Variants in GRIK2 observed in about 807,000 individuals in gnomAD.
GRIK2 encodes glutamate ionotropic receptor kainate type subunit 2, also known as glutamate receptor ionotropic, kainate 2.
In GRIK2, 32 loss-of-function variants were observed where a neutral mutation model predicts 100.3. The observed-to-expected ratio is 0.32, with a 90% CI of 0.24 to 0.43. The LOEUF (loss-of-function observed/expected upper bound fraction) is 0.43. GRIK2 is among the 20% of genes least tolerant of loss of function. The pLI, the probability that GRIK2 is intolerant of heterozygous loss-of-function variation, is 1.00. For missense variants in GRIK2, 843 were observed against 1,114.9 expected, an observed-to-expected ratio of 0.76 and a Z score of 3.47; for synonymous variants, 417 against 389.4, an observed-to-expected ratio of 1.07 and a Z score of -0.83.
rs6149730 is a variant in GRIK2 at position 102,026,111 on chromosome 6, CATATATATATATATATATAT to C, written c.2086-9205_2086-9186del. 3.8e-4 allele frequency among the ~76,000 whole-genome samples: 38 copies of C among 100,240 alleles called. 1 individual carries two copies. Among genetic ancestry groups the C allele is most frequent in the African/African-American group, 1.0e-3 (25 of 24,032 alleles). The allele number at this position is 100,240 out of a possible 152,430, so 65.8% of individuals were successfully genotyped here. On this transcript the variant is annotated intron_variant, in intron 14 of 16. Transcript: ENST00000369134. ...GTAAAGGCATATACATATACACTTA[CATATATATATATATATATAT>C]ATATATATATATATATATATATATG...
At chr6:101,860,937 G>GA in intron 11 of GRIK2, 2 of 926,608 alleles carry the variant, frequency 2.2e-6, no homozygotes, top group Non-Finnish European at 1.3e-6. Context: ...GTTAGTCCTT[G>GA]AAAAAAGACC....
At chr6:101,891,242 G>A (rs1197120539) in intron 12 of GRIK2, among the ~76,000 whole-genome samples, 1 of 151,664 alleles carries the variant, frequency 6.6e-6, no homozygotes, top group African/African-American at 2.4e-5. Context: ...ATATTGGCCG[G>A]GTGTGGTTGC....
chr6:101,707,493 A>T (rs1367352433), intron 7 of GRIK2, among the ~76,000 whole-genome samples: 4 of 146,206 alleles, frequency 2.7e-5, no homozygotes, highest in Non-Finnish European at 6.0e-5. Flanking sequence ...ATATATATAA[A>T]TTCTTTTATA....
At chr6:101,580,152 G>A (rs1778008054) in intron 2 of GRIK2, among the ~76,000 whole-genome samples, 1 of 151,990 alleles carries the variant, frequency 6.6e-6, no homozygotes, top group Non-Finnish European at 1.5e-5. Flanking sequence ...TCTCATCTCT[G>A]GCTAATGCCC....
chr6:101,687,805 T>C (rs1399234446), intron 7 of GRIK2, among the ~76,000 whole-genome samples: 5 of 151,752 alleles, frequency 3.3e-5, no homozygotes, highest in Non-Finnish European at 7.4e-5. Context: ...TCTAGTAGTT[T>C]AGTTTTAACT....
chr6:101,829,609 C>A (rs1562421471), intron 10 of GRIK2, among the ~76,000 whole-genome samples: 1 of 151,866 alleles, frequency 6.6e-6, no homozygotes, highest in Non-Finnish European at 1.5e-5. Flanking sequence ...AGCATTCAGA[C>A]TGAGACCCAA....
chr6:101,406,006 C>CA (rs2128236828), intron 2 of GRIK2, among the ~76,000 whole-genome samples: 1 of 152,276 alleles, frequency 6.6e-6, no homozygotes, highest in Admixed American at 6.5e-5. Context: ...CTCGCCCATT[C>CA]ACATTTCACA....
Position 101,874,535 on chromosome 6 carries a change from C to T in GRIK2, c.1524+15042C>T, listed in dbSNP as rs549776012. 7.7e-4 allele frequency among the ~76,000 whole-genome samples: 117 copies of T among 152,208 alleles called. 3 individuals are homozygous for T. The South Asian group carries it at 0.024, about 31-fold the overall frequency. On this transcript the variant is annotated intron_variant, in intron 11 of 16. Transcript: ENST00000369134. ...TAGTTTGAAGTCAGGTAGCATGATG[C>T]CTCCAGCTTTGTTCTTTTGGCTTAG...
chr6:102,007,885 A>T (rs1374122482), intron 14 of GRIK2, among the ~76,000 whole-genome samples: 1 of 152,066 alleles, frequency 6.6e-6, no homozygotes, highest in African/African-American at 2.4e-5. Context: ...ATGTAGGAAA[A>T]AATCTCCCTA....
intron 12 of GRIK2, among the ~76,000 whole-genome samples, chr6:101,894,285 G>A (rs1582475886): frequency 6.6e-6 from 1 of 151,660 alleles, no homozygotes; most frequent in South Asian, 2.1e-4. Context: ...AGAAGGAGAT[G>A]TATGGTGTTG....
chr6:102,033,712 G>T (rs1252883157), intron 14 of GRIK2, among the ~76,000 whole-genome samples: 2 of 151,124 alleles, frequency 1.3e-5, no homozygotes, highest in African/African-American at 4.8e-5. Flanking sequence ...AATATATTTT[G>T]CCATTAAAAT....
intron 7 of GRIK2, among the ~76,000 whole-genome samples, chr6:101,789,380 G>C (rs1043611644): frequency 1.3e-5 from 2 of 152,056 alleles, no homozygotes; most frequent in African/African-American, 2.4e-5. Context: ...ATTAATTTTT[G>C]TATAAGGTGT....
Position 101,949,560 on chromosome 6 carries a change from C to T in GRIK2, c.2085+20928C>T, listed in dbSNP as rs1582598195. Among the ~76,000 whole-genome samples the T allele has an allele frequency of 2.0e-5, 3 of 152,200 alleles. No individual in the cohort carries two copies. In the South Asian group the frequency reaches 6.2e-4, roughly 32 times the overall value. On this transcript the variant is annotated intron_variant, in intron 14 of 16. Transcript: ENST00000369134. ...TGTGTGATGTTCCCTGCCCTGTGTC[C>T]ATGCGTTCTCATTGTTCAACTCCCA...
At chr6:101,955,942 T>G (rs1791909650) in intron 14 of GRIK2, among the ~76,000 whole-genome samples, 2 of 152,046 alleles carry the variant, frequency 1.3e-5, no homozygotes, top group African/African-American at 4.8e-5. Context: ...TTTATTCGAG[T>G]GTACTTTGCT....
chr6:101,876,096 A>G (rs1610029), intron 11 of GRIK2, among the ~76,000 whole-genome samples: 119,439 of 151,506 alleles, frequency 0.79, 47,431 homozygotes, highest in East Asian at 0.92. Flanking sequence ...ACATAAAATC[A>G]GAAGCCTGTA....
intron 2 of GRIK2, among the ~76,000 whole-genome samples, chr6:101,508,516 T>C (rs17815862): frequency 0.032 from 4,883 of 152,224 alleles, 100 homozygotes; most frequent in Middle Eastern, 0.055. Flanking sequence ...GTTAATTTTG[T>C]CTAATTTCTC....
At chr6:101,675,543 G>A (rs1405563390) in intron 4 of GRIK2, among the ~76,000 whole-genome samples, 1 of 152,038 alleles carries the variant, frequency 6.6e-6, no homozygotes, top group African/African-American at 2.4e-5. Flanking sequence ...GGAATTGGAT[G>A]ATCTTTTTTT....
intron 12 of GRIK2, among the ~76,000 whole-genome samples, chr6:101,908,326 T>TTAG (rs60006135): frequency 6.7e-6 from 1 of 148,624 alleles, no homozygotes; most frequent in Non-Finnish European, 1.5e-5. Flanking sequence ...ACAATTATTT[T>TTAG]GCACCAGCCT....
chr6:102,008,428 A>G (rs1416796144), intron 14 of GRIK2, among the ~76,000 whole-genome samples: 1 of 152,138 alleles, frequency 6.6e-6, no homozygotes, highest in Non-Finnish European at 1.5e-5. Flanking sequence ...TCGCCTGATG[A>G]CAGAGAACTA....
Sources: allele counts gnomAD v4.1 joint callset (sites outside exome capture counted in the v4.1 genomes callset), GRCh38; gene constraint gnomAD v4.1.1; transcripts MANE v1.5; gene names NCBI Gene and HGNC (gene_info 2026-07-23, HGNC 2026-07-21).